NRG3: variants seen among roughly 807,000 people sequenced by gnomAD.
NRG3 encodes the protein neuregulin 3, also known as pro-neuregulin-3, membrane-bound isoform.
In NRG3, 31 loss-of-function variants were observed where a neutral mutation model predicts 66.9. The ratio of observed to expected loss-of-function variants is 0.46; its 90% CI spans 0.35 to 0.63. The LOEUF (loss-of-function observed/expected upper bound fraction) is 0.63. Ranked by LOEUF, NRG3 falls within the 20% of genes least tolerant of loss-of-function variation. NRG3 has a pLI of 0.00. For missense variants in NRG3, 910 were observed against 878.9 expected (o/e 1.04, Z -0.45); for synonymous variants, 393 against 359.4 (o/e 1.09, Z -1.06).
chr10:82,751,966 G>T (rs1246019006), intron 3 of NRG3, among the ~76,000 whole-genome samples: 1 of 151,918 alleles, frequency 6.6e-6, no homozygotes, highest in Non-Finnish European at 1.5e-5. Context: ...TGCTGGATTT[G>T]GTTACCACTA....
intron 1 of NRG3, among the ~76,000 whole-genome samples, chr10:82,035,900 G>A (rs2062771966): frequency 6.6e-6 from 1 of 152,056 alleles, no homozygotes; most frequent in African/African-American, 2.4e-5. Context: ...CACATAGATT[G>A]GGCAACCTGA....
intron 1 of NRG3, among the ~76,000 whole-genome samples, chr10:82,109,977 G>A (rs1026142841): frequency 6.6e-6 from 1 of 152,030 alleles, no homozygotes; most frequent in African/African-American, 2.4e-5. Context: ...CTAATTTTTG[G>A]TGACAATATG....
At chr10:82,359,491 G>C (rs1270061660) in intron 2 of NRG3, among the ~76,000 whole-genome samples, 1 of 152,188 alleles carries the variant, frequency 6.6e-6, no homozygotes, top group Non-Finnish European at 1.5e-5. Context: ...GATCAGGAAG[G>C]TGTTTAATTG....
chr10:82,065,252 G>T (rs781352772), intron 1 of NRG3, among the ~76,000 whole-genome samples: 6 of 152,120 alleles, frequency 3.9e-5, no homozygotes, highest in Non-Finnish European at 8.8e-5. Context: ...AGCAGGAGAT[G>T]CTTGTTATTA....
intron 3 of NRG3, among the ~76,000 whole-genome samples, chr10:82,782,651 G>C (rs1165512701): frequency 2.0e-5 from 3 of 152,016 alleles, no homozygotes; most frequent in Non-Finnish European, 4.4e-5. Flanking sequence ...AAAAAGTCTA[G>C]ATCATCATGA....
intron 2 of NRG3, among the ~76,000 whole-genome samples, chr10:82,474,720 G>T (rs1258262235): frequency 1.3e-5 from 2 of 152,126 alleles, no homozygotes; most frequent in Non-Finnish European, 2.9e-5. Flanking sequence ...AATAATGACT[G>T]AAAACATACT....
chr10:82,344,088 G>A (rs561676980), intron 1 of NRG3, among the ~76,000 whole-genome samples: 2 of 147,456 alleles, frequency 1.4e-5, no homozygotes, highest in South Asian at 4.3e-4. Flanking sequence ...TATACTTTAA[G>A]TTTTAGGGTA....
chr10:82,089,226 C>A (rs2065893220), intron 1 of NRG3, among the ~76,000 whole-genome samples: 2 of 151,540 alleles, frequency 1.3e-5, no homozygotes, highest in Non-Finnish European at 2.9e-5. Flanking sequence ...TTATAAGTAG[C>A]AAATTAGCAT....
chr10:82,007,586 T>C (rs562892126), intron 1 of NRG3, among the ~76,000 whole-genome samples: 1 of 152,336 alleles, frequency 6.6e-6, no homozygotes, highest in South Asian at 2.1e-4. Context: ...GAAATCTTGC[T>C]GAATAATTTT....
At chr10:82,916,961 A>G (rs12269698) in intron 4 of NRG3, among the ~76,000 whole-genome samples, 16,617 of 152,210 alleles carry the variant, frequency 0.11, 1,045 homozygotes, top group African/African-American at 0.17. Context: ...GTCCAACACT[A>G]ATTTAAATTT....
chr10:82,804,324 G>A (rs975003064), intron 3 of NRG3, among the ~76,000 whole-genome samples: 2 of 152,192 alleles, frequency 1.3e-5, no homozygotes, highest in Non-Finnish European at 1.5e-5. Flanking sequence ...AGAAATTCAT[G>A]CTAATTTTGC....
At chr10:82,428,024 A>C (rs1487034625) in intron 2 of NRG3, among the ~76,000 whole-genome samples, 1 of 151,756 alleles carries the variant, frequency 6.6e-6, no homozygotes, top group African/African-American at 2.4e-5. Flanking sequence ...TATTCTTCTT[A>C]TTTTCCTCTA....
At chr10:82,288,191 T>C (rs1044325627) in intron 1 of NRG3, among the ~76,000 whole-genome samples, 2 of 152,156 alleles carry the variant, frequency 1.3e-5, no homozygotes, top group African/African-American at 4.8e-5. Context: ...ATCTATAGAT[T>C]TACTGAATAG....
chr10:82,514,211 T>C (rs918775456), intron 2 of NRG3, among the ~76,000 whole-genome samples: 1 of 152,244 alleles, frequency 6.6e-6, no homozygotes, highest in African/African-American at 2.4e-5. Context: ...ATTTGTAAAT[T>C]TTTGCCCTTG....
intron 1 of NRG3, among the ~76,000 whole-genome samples, chr10:82,109,577 G>A (rs11192548): frequency 0.088 from 11,004 of 125,040 alleles, 637 homozygotes; most frequent in East Asian, 0.34. Context: ...GTGTGTGTGT[G>A]TATATATATA....
chr10:82,000,354 C>A (rs1359575972), intron 1 of NRG3, among the ~76,000 whole-genome samples: 2 of 151,870 alleles, frequency 1.3e-5, no homozygotes, highest in Non-Finnish European at 2.9e-5. Flanking sequence ...GTCATGTATA[C>A]AGCTGCTTTT....
chr10:82,536,448 A>G (rs1271566020), intron 2 of NRG3, among the ~76,000 whole-genome samples: 3 of 152,160 alleles, frequency 2.0e-5, no homozygotes. Context: ...TACAAACAGC[A>G]TATTTTCCCT....
At chr10:82,984,947 C>T (rs556125832) in intron 8 of NRG3, 151 bp from the exon 9 acceptor site, 252 of 1,249,402 alleles carry the variant, frequency 2.0e-4, no homozygotes, top group Non-Finnish European at 2.9e-4. Context: ...CAGTTTACTT[C>T]TCTGTTTAAC....
chr10:82,382,510 A>ATT (rs1430198452), intron 2 of NRG3, among the ~76,000 whole-genome samples: 1 of 151,884 alleles, frequency 6.6e-6, no homozygotes, highest in Non-Finnish European at 1.5e-5. Flanking sequence ...TGTACTAAAC[A>ATT]TTTTTGTTAG....
Sources: gnomAD v4.1 joint callset for allele counts (sites outside exome capture counted in the v4.1 genomes callset) on GRCh38, gnomAD v4.1.1 for gene constraint, MANE v1.5 for transcripts, NCBI Gene and HGNC (gene_info 2026-07-23, HGNC 2026-07-21) for gene names.